The following CSMD2 variants were observed in gnomAD, a reference collection of about 807,000 sequenced individuals.
CSMD2 encodes the protein CUB and sushi domain-containing protein 2.
In CSMD2, 130 loss-of-function variants were observed where a neutral mutation model predicts 398.5. That is an observed-to-expected ratio of 0.33 (90% CI 0.28 to 0.38). The LOEUF is 0.38. Ranked by LOEUF, CSMD2 falls within the 10% of genes least tolerant of loss-of-function variation. CSMD2 has a pLI of 1.00. For missense variants in CSMD2, 3,829 were observed against 4,764.9 expected (o/e 0.80, Z 5.78); for synonymous variants, 1,828 against 1,908.5 (o/e 0.96, Z 1.10).
At chr1:33,955,032 G>C (rs887861860) in intron 3 of CSMD2, among the ~76,000 whole-genome samples, 1 of 152,168 alleles carries the variant, frequency 6.6e-6, no homozygotes, top group African/African-American at 2.4e-5. Flanking sequence ...AGGAGGTCAA[G>C]GTGTTCATTT....
At chr1:33,828,738 C>A (rs1659114198) in intron 6 of CSMD2, among the ~76,000 whole-genome samples, 1 of 152,170 alleles carries the variant, frequency 6.6e-6, no homozygotes, top group Admixed American at 6.5e-5. Context: ...CTCTCAAGGG[C>A]CCAGAAAGAA....
intron 4 of CSMD2, among the ~76,000 whole-genome samples, chr1:33,926,325 T>TCTC (rs1644125910): frequency 1.3e-5 from 2 of 152,190 alleles, no homozygotes; most frequent in Admixed American, 1.3e-4. Context: ...AGGATGGTAG[T>TCTC]CTCCTCCACA....
intron 3 of CSMD2, among the ~76,000 whole-genome samples, chr1:34,027,499 C>T (rs1408964773): frequency 6.6e-6 from 1 of 152,302 alleles, no homozygotes; most frequent in East Asian, 1.9e-4. Context: ...CTCTTTGACC[C>T]AGCAATTGCA....
intron 3 of CSMD2, among the ~76,000 whole-genome samples, chr1:33,951,819 C>T (rs984752965): frequency 4.6e-5 from 7 of 152,228 alleles, no homozygotes; most frequent in African/African-American, 1.2e-4. Flanking sequence ...CCCTCAACCA[C>T]GCACACTCCT....
chr1:33,563,864 T>C (rs1658804872), intron 53 of CSMD2, among the ~76,000 whole-genome samples: 1 of 152,160 alleles, frequency 6.6e-6, no homozygotes, highest in Non-Finnish European at 1.5e-5. Flanking sequence ...GAGAGTCTGG[T>C]TGACATTGGA....
At chr1:34,074,924 A>T (rs188459229) in intron 2 of CSMD2, among the ~76,000 whole-genome samples, 3 of 152,332 alleles carry the variant, frequency 2.0e-5, no homozygotes, top group Admixed American at 6.5e-5. Context: ...CCAAGCCTCC[A>T]GATGAGCATC....
At chr1:34,101,501 T>C (rs113366256) in intron 1 of CSMD2, among the ~76,000 whole-genome samples, 42 of 152,358 alleles carry the variant, frequency 2.8e-4, no homozygotes, top group African/African-American at 9.1e-4. Context: ...TCAATAGTTA[T>C]GTCTAGGAAT....
intron 13 of CSMD2, among the ~76,000 whole-genome samples, chr1:33,763,016 A>G (rs1246607416): frequency 1.3e-5 from 2 of 152,196 alleles, no homozygotes; most frequent in Non-Finnish European, 2.9e-5. Context: ...GGGAGACTAC[A>G]ATCATCCTAA....
rs549398389 is a variant in CSMD2 at position 33,854,408 on chromosome 1, G to C, written c.921-7412C>G. On this transcript the variant is annotated intron_variant, in intron 5 of 70. Transcript: ENST00000373381. ...GGTGAAAGCAGAGGTTACATGTGGG[G>C]AAAAGCAGAGAAAGAGGCAGTGAGC... is the stretch of plus-strand genomic sequence containing the variant. Among the ~76,000 whole-genome samples, 297 of 152,348 alleles carry C rather than the reference G, an allele frequency of 1.9e-3. 1 individual carries two copies. The highest frequency in any genetic ancestry group is 3.1e-3 in the Non-Finnish European group (212 of 68,038).
At chr1:33,967,531 G>A (rs7525542) in intron 3 of CSMD2, among the ~76,000 whole-genome samples, 5 of 151,980 alleles carry the variant, frequency 3.3e-5, no homozygotes, top group Admixed American at 6.5e-5. Flanking sequence ...AGTGATCCAC[G>A]TCCCCCTCTG....
chr1:33,936,016 G>A (rs899814467), intron 3 of CSMD2, 62 bp from the exon 4 acceptor site: 29 of 1,470,170 alleles, frequency 2.0e-5, no homozygotes, highest in East Asian at 6.8e-5. Flanking sequence ...CCCTGACACC[G>A]GGCTTCCTAG....
At chr1:33,807,591 A>G (rs183724483) in intron 10 of CSMD2, among the ~76,000 whole-genome samples, 178 of 152,242 alleles carry the variant, frequency 1.2e-3, no homozygotes, top group African/African-American at 3.9e-3. Flanking sequence ...TTATCAAACA[A>G]TAACAATAAT....
intron 4 of CSMD2, among the ~76,000 whole-genome samples, chr1:33,922,109 T>C (rs1643962204): frequency 6.6e-6 from 1 of 152,110 alleles, no homozygotes; most frequent in African/African-American, 2.4e-5. Context: ...CTCCCTGCTC[T>C]TCCCCACTCC....
At chr1:33,763,090 C>CACCACATGTATCACA (rs1557857088) in intron 13 of CSMD2, among the ~76,000 whole-genome samples, 2 of 152,264 alleles carry the variant, frequency 1.3e-5, no homozygotes, top group Non-Finnish European at 1.5e-5. Context: ...CACAACGTAT[C>CACCACATGTATCACA]ACCACATGTA....
intron 3 of CSMD2, among the ~76,000 whole-genome samples, chr1:33,952,960 C>T (rs1645054803): frequency 6.6e-6 from 1 of 152,234 alleles, no homozygotes; most frequent in Admixed American, 6.5e-5. Flanking sequence ...CTTAAACATT[C>T]CGTAAGGCAT....
chr1:33,883,288 T>A lies in CSMD2; in HGVS notation c.920+34806A>T, dbSNP rs560780984. On this transcript the variant is annotated intron_variant, in intron 5 of 70. Transcript: ENST00000373381. ...AAAGACCTGGGCTTCCAATTTTGAA[T>A]CTGCCAGCAACCAGCTGTGTGTAGT... 2.5e-4 allele frequency among the ~76,000 whole-genome samples: 38 copies of A among 152,326 alleles called. No individual in the cohort carries two copies. The East Asian group carries it at 4.6e-3, about 19-fold the overall frequency.
At chr1:33,547,280 T>C (rs1298586585) in intron 56 of CSMD2, among the ~76,000 whole-genome samples, 1 of 152,192 alleles carries the variant, frequency 6.6e-6, no homozygotes, top group Admixed American at 6.5e-5. Context: ...TATGGTCCCC[T>C]GCAGGGCCAA....
At chr1:33,698,690 C>T in intron 24 of CSMD2, 63 bp downstream of exon 24, 1 of 1,473,168 alleles carries the variant, frequency 6.8e-7, no homozygotes, top group East Asian at 2.3e-5. Flanking sequence ...GGAATGAGAC[C>T]AGGACTAGAG....
chr1:34,089,223 T>C (rs1558366421), intron 1 of CSMD2, 30 bp from the exon 2 acceptor site: 5 of 1,590,114 alleles, frequency 3.1e-6, no homozygotes, highest in Non-Finnish European at 2.6e-6. Flanking sequence ...CAGTTCAGAA[T>C]AGCCAGAATA....
Sources: gnomAD v4.1 joint callset for allele counts (sites outside exome capture counted in the v4.1 genomes callset) on GRCh38, gnomAD v4.1.1 for gene constraint, MANE v1.5 for transcripts, NCBI Gene and HGNC (gene_info 2026-07-23, HGNC 2026-07-21) for gene names.